STXBP5L: variants seen among roughly 807,000 people sequenced by gnomAD.
STXBP5L encodes the protein syntaxin-binding protein 5-like.
STXBP5L carries 65 observed loss-of-function variants against 144.5 expected under a neutral mutation model. That is an observed-to-expected ratio of 0.45 (90% CI 0.37 to 0.55). The LOEUF (loss-of-function observed/expected upper bound fraction) is 0.55. Among genes scored for constraint, STXBP5L ranks in the 20% least tolerant of loss-of-function variants. The pLI is 0.00. For synonymous variants in STXBP5L, 505 were observed against 469.6 expected (o/e 1.08, Z -0.97); for missense variants, 1,298 against 1,405.5 (o/e 0.92, Z 1.22).
chr3:121,130,673 A>G (rs1221287113), intron 7 of STXBP5L, among the ~76,000 whole-genome samples: 1 of 152,124 alleles, frequency 6.6e-6, no homozygotes, highest in Non-Finnish European at 1.5e-5. Flanking sequence ...GGTAAAGAAA[A>G]TCATCACAAT....
chr3:121,073,458 C>A (rs1003210541), intron 5 of STXBP5L, among the ~76,000 whole-genome samples: 1 of 152,182 alleles, frequency 6.6e-6, no homozygotes, highest in African/African-American at 2.4e-5. Context: ...GCAGTGGCTG[C>A]CAATGCCTTG....
intron 7 of STXBP5L, among the ~76,000 whole-genome samples, chr3:121,141,722 T>G (rs2045513807): frequency 6.6e-6 from 1 of 152,064 alleles, no homozygotes; most frequent in African/African-American, 2.4e-5. Flanking sequence ...AGCATTAGAT[T>G]TTATGTAAGT....
intron 20 of STXBP5L, among the ~76,000 whole-genome samples, chr3:121,369,085 G>A (rs574236424): frequency 6.6e-6 from 1 of 152,344 alleles, no homozygotes; most frequent in East Asian, 1.9e-4. Context: ...CCTGAAAGCT[G>A]TATGCAAACT....
At chr3:121,027,711 C>T (rs1420229969) in intron 3 of STXBP5L, among the ~76,000 whole-genome samples, 1 of 151,978 alleles carries the variant, frequency 6.6e-6, no homozygotes, top group Non-Finnish European at 1.5e-5. Context: ...CCAAGATAAT[C>T]TCCCCATCTC....
intron 7 of STXBP5L, among the ~76,000 whole-genome samples, chr3:121,135,521 T>C (rs1256853114): frequency 6.6e-6 from 1 of 152,076 alleles, no homozygotes; most frequent in Non-Finnish European, 1.5e-5. Context: ...AGGAATTAGA[T>C]TAGTGACAGA....
chr3:121,169,885 G>A (rs1431690681), intron 9 of STXBP5L, among the ~76,000 whole-genome samples: 2 of 152,102 alleles, frequency 1.3e-5, no homozygotes, highest in Non-Finnish European at 2.9e-5. Context: ...CAAATCAACA[G>A]AATATACATT....
At chr3:121,350,318 T>C (rs1454632402) in intron 20 of STXBP5L, among the ~76,000 whole-genome samples, 1 of 152,208 alleles carries the variant, frequency 6.6e-6, no homozygotes, top group Non-Finnish European at 1.5e-5. Context: ...GAGTTTGTGC[T>C]GAGAGATCAG....
chr3:121,262,092 A>G (rs2050400652), intron 18 of STXBP5L, among the ~76,000 whole-genome samples: 1 of 152,100 alleles, frequency 6.6e-6, no homozygotes, highest in African/African-American at 2.4e-5. Flanking sequence ...TCCATTCATA[A>G]TGGCGGAATC....
intron 20 of STXBP5L, among the ~76,000 whole-genome samples, chr3:121,342,463 C>A (rs2108585962): frequency 6.6e-6 from 1 of 151,480 alleles, no homozygotes; most frequent in East Asian, 2.0e-4. Flanking sequence ...CGTCATTTAG[C>A]ATTAGGTATA....
intron 2 of STXBP5L, among the ~76,000 whole-genome samples, chr3:120,924,320 T>C (rs573057646): frequency 6.6e-6 from 1 of 152,308 alleles, no homozygotes; most frequent in African/African-American, 2.4e-5. Flanking sequence ...TATTTTAAAG[T>C]ATTGATTTAG....
intron 9 of STXBP5L, among the ~76,000 whole-genome samples, chr3:121,167,904 G>A (rs1054269222): frequency 1.3e-5 from 2 of 152,134 alleles, no homozygotes; most frequent in Non-Finnish European, 2.9e-5. Flanking sequence ...CTCCCAGCAG[G>A]GGCCAACAGA....
At chr3:120,950,559 A>G (rs1383649118) in intron 2 of STXBP5L, among the ~76,000 whole-genome samples, 2 of 152,006 alleles carry the variant, frequency 1.3e-5, no homozygotes, top group Non-Finnish European at 2.9e-5. Flanking sequence ...TTATACTTTA[A>G]GTTTTAGGGT....
intron 5 of STXBP5L, among the ~76,000 whole-genome samples, chr3:121,094,844 G>A (rs1378183374): frequency 6.6e-6 from 1 of 151,922 alleles, no homozygotes; most frequent in Non-Finnish European, 1.5e-5. Flanking sequence ...TTGCTCGTTA[G>A]TTGATGCAGT....
chr3:121,115,066 T>C lies in STXBP5L; in HGVS notation c.605+7T>C. The stretch of plus-strand genomic sequence containing the variant: ...GGAACAAGGCAATTGAACTGTAAGT[T>C]TGAACTTGGATATCACTTTATTGGC... On this transcript the variant is annotated splice_region_variant and intron_variant, in intron 6 of 26. Transcript: ENST00000471454. 6.3e-7 allele frequency: 1 copy of C among 1,599,514 alleles called. No individual in the cohort carries two copies. Among genetic ancestry groups the C allele is most frequent in the East Asian group, 2.3e-5 (1 of 43,820 alleles).
chr3:121,297,202 A>G (rs867546663), intron 19 of STXBP5L, among the ~76,000 whole-genome samples: 51 of 148,340 alleles, frequency 3.4e-4, no homozygotes, highest in Admixed American at 1.0e-3. Context: ...TCTACATTAT[A>G]TGTGTGTGTG....
chr3:120,987,018 A>G (rs1319853577), intron 3 of STXBP5L, among the ~76,000 whole-genome samples: 1 of 151,930 alleles, frequency 6.6e-6, no homozygotes, highest in African/African-American at 2.4e-5. Flanking sequence ...TAGAGAGAAT[A>G]TTTGAAGAAA....
chr3:120,952,942 G>A (rs969185065), intron 2 of STXBP5L, among the ~76,000 whole-genome samples: 1 of 151,810 alleles, frequency 6.6e-6, no homozygotes, highest in South Asian at 2.1e-4. Context: ...GAGACTATAG[G>A]CATGCACCAC....
intron 3 of STXBP5L, among the ~76,000 whole-genome samples, chr3:120,958,809 G>T (rs555859025): frequency 6.6e-6 from 1 of 152,224 alleles, no homozygotes; most frequent in East Asian, 1.9e-4. Context: ...TACTGAATGG[G>T]CAAAAACTGG....
chr3:120,916,734 A>C (rs1408724203), intron 2 of STXBP5L, among the ~76,000 whole-genome samples: 1 of 152,214 alleles, frequency 6.6e-6, no homozygotes, highest in Non-Finnish European at 1.5e-5. Flanking sequence ...TAATACCTGG[A>C]TTTAGAAAGT....
Sources: gnomAD v4.1 joint callset for allele counts (sites outside exome capture counted in the v4.1 genomes callset) on GRCh38, gnomAD v4.1.1 for gene constraint, MANE v1.5 for transcripts, NCBI Gene and HGNC (gene_info 2026-07-23, HGNC 2026-07-21) for gene names.